The following USP49 variants were observed in gnomAD, a reference collection of about 807,000 sequenced individuals.
USP49 encodes ubiquitin specific peptidase 49.
USP49 carries 24 observed loss-of-function variants against 58.6 expected under a neutral mutation model. The ratio of observed to expected loss-of-function variants is 0.41; its 90% CI spans 0.30 to 0.58. USP49 has a LOEUF of 0.58. USP49 is among the 20% of genes least tolerant of loss of function. The pLI is 0.30. For missense variants in USP49, 703 were observed against 866.1 expected, an observed-to-expected ratio of 0.81 and a Z score of 2.36; for synonymous variants, 408 against 365.1, an observed-to-expected ratio of 1.12 and a Z score of -1.34.
Position 41,794,550 on chromosome 6 carries a change from T to C in USP49, c.*1983A>G, listed in dbSNP as rs569977532. On this transcript the variant is annotated 3_prime_UTR_variant, in exon 8 of 8. Coordinates refer to ENST00000682992, the MANE Select transcript of USP49 (RefSeq NM_001286554.2). ...TCCTTTTTACTCTCCTTGGTTTTTT[T>C]GAGTTAATGGGCTTTTCTATTGCCA... 3 of 152,318 alleles carry C rather than the reference T, an allele frequency of 2.0e-5. No homozygotes were observed. In the East Asian group the frequency reaches 5.8e-4, roughly 29 times the overall value. 9.4% of individuals were successfully genotyped at this position (152,318 alleles called of 1,614,324 possible). A position where few individuals can be genotyped will look rare whatever the true frequency, so the allele number is the denominator to read the frequency against.
Position 41,806,268 on chromosome 6 carries a change from G to T in USP49, c.716C>A (p.Thr239Lys), listed in dbSNP as rs1313741545. ...GGCCGGCTGGCGACGCAGCTTGAGT[G>T]TGGCGGCGGGCACTCTGCGTGAGGT... ...LPTSRRVPAA[T>K]LKLRRQPAMA... The change falls in exon 4 of 8, where the codon ACA becomes AAA. Residue 239 changes from threonine to lysine, a missense_variant. This residue lies in a region of USP49 where 376 missense variants were observed against 373.5 expected (regional missense o/e 1.01). Transcript: ENST00000682992. The surrounding 1 kb of genome is among the most constrained non-coding windows in gnomAD (Gnocchi z 5.9). The T allele has an allele frequency of 6.2e-7, 1 of 1,605,046 alleles. No homozygotes were observed. Among genetic ancestry groups the T allele is most frequent in the African/African-American group, 1.3e-5 (1 of 74,920 alleles).
At chr6:41,799,118 T>C (rs1467091670) in intron 6 of USP49, among the ~76,000 whole-genome samples, 189 bp from the exon 7 acceptor site, 2 of 115,602 alleles carry the variant, frequency 1.7e-5, no homozygotes, top group African/African-American at 6.7e-5. Flanking sequence ...TTATTTATTT[T>C]CAGACAGGGT....
chr6:41,802,896 C>T (rs1773045797), intron 5 of USP49, among the ~76,000 whole-genome samples: 1 of 152,192 alleles, frequency 6.6e-6, no homozygotes, highest in Non-Finnish European at 1.5e-5. Context: ...GTATGACCCT[C>T]TCTGAAATGT....
intron 3 of USP49, among the ~76,000 whole-genome samples, chr6:41,844,156 G>A (rs1395730393): frequency 6.6e-6 from 1 of 152,112 alleles, no homozygotes; most frequent in African/African-American, 2.4e-5. Context: ...AGGAGGCGGA[G>A]GTTATGGGGA....
intron 3 of USP49, among the ~76,000 whole-genome samples, chr6:41,834,147 T>A (rs1773685299): frequency 6.6e-6 from 1 of 152,202 alleles, no homozygotes; most frequent in Non-Finnish European, 1.5e-5. Context: ...GTATGGGGCA[T>A]TCTTGGGTCT....
chr6:41,822,984 T>C (rs1773476897), intron 3 of USP49, among the ~76,000 whole-genome samples: 1 of 152,128 alleles, frequency 6.6e-6, no homozygotes, highest in Non-Finnish European at 1.5e-5. Flanking sequence ...TAATAGGGGA[T>C]AGGTTAAATG....
At chr6:41,809,942 A>G (rs9369308) in intron 3 of USP49, among the ~76,000 whole-genome samples, 12,513 of 150,894 alleles carry the variant, frequency 0.083, 721 homozygotes, top group Non-Finnish European at 0.12. Flanking sequence ...ACGAGGTCAG[A>G]GGATCGAGAC....
At chr6:41,861,401 C>G (rs1219231678) in intron 3 of USP49, among the ~76,000 whole-genome samples, 1 of 152,090 alleles carries the variant, frequency 6.6e-6, no homozygotes, top group Non-Finnish European at 1.5e-5. Context: ...CAAGATCGCG[C>G]CACTGCACTC....
At chr6:41,874,670 G>A (rs1468148416) in intron 2 of USP49, among the ~76,000 whole-genome samples, 1 of 152,138 alleles carries the variant, frequency 6.6e-6, no homozygotes, top group Non-Finnish European at 1.5e-5. Flanking sequence ...CTGCTCTTCG[G>A]AAATATACCA....
intron 3 of USP49, among the ~76,000 whole-genome samples, chr6:41,868,216 A>G (rs1334701892): frequency 6.6e-6 from 1 of 152,240 alleles, no homozygotes; most frequent in Non-Finnish European, 1.5e-5. Flanking sequence ...TATCTACCTC[A>G]TAAGTGACAG....
At chr6:41,818,283 G>T (rs1056781198) in intron 3 of USP49, among the ~76,000 whole-genome samples, 1 of 152,104 alleles carries the variant, frequency 6.6e-6, no homozygotes, top group African/African-American at 2.4e-5. Flanking sequence ...AGGCAAGATG[G>T]CAAAAGAAGA....
At chr6:41,855,780 G>A (rs1216303519) in intron 3 of USP49, among the ~76,000 whole-genome samples, 2 of 152,174 alleles carry the variant, frequency 1.3e-5, no homozygotes, top group Non-Finnish European at 2.9e-5. Context: ...AGGCACTGTG[G>A]CTTGTGCCTG....
chr6:41,814,191 G>T (rs1269139350), intron 3 of USP49, among the ~76,000 whole-genome samples: 1 of 152,090 alleles, frequency 6.6e-6, no homozygotes, highest in African/African-American at 2.4e-5. Flanking sequence ...TTAAATAAAT[G>T]TCCTGCACAC....
chr6:41,865,198 T>C (rs1774289672), intron 3 of USP49, among the ~76,000 whole-genome samples: 1 of 151,998 alleles, frequency 6.6e-6, no homozygotes, highest in Admixed American at 6.6e-5. Flanking sequence ...GCACCCGCCA[T>C]CATGCCCGGC....
At chr6:41,821,066 A>G (rs1205598250) in intron 3 of USP49, among the ~76,000 whole-genome samples, 2 of 152,174 alleles carry the variant, frequency 1.3e-5, no homozygotes, top group African/African-American at 4.8e-5. Flanking sequence ...CAAGCAATAT[A>G]TCAGTAGTGA....
chr6:41,813,662 T>A (rs570299527), intron 3 of USP49, among the ~76,000 whole-genome samples: 2 of 152,306 alleles, frequency 1.3e-5, no homozygotes, highest in East Asian at 3.9e-4. Flanking sequence ...TCATGGCGAC[T>A]CACTAACCTG....
Position 41,796,465 on chromosome 6 carries a change from T to C in USP49, c.*68A>G. 1.5e-6 allele frequency: 1 copy of C among 679,514 alleles called. No individual in the cohort carries two copies. The highest frequency in any genetic ancestry group is 1.6e-5 in the South Asian group (1 of 61,858). 42.1% of individuals were successfully genotyped at this position (679,514 alleles called of 1,614,324 possible). A position where few individuals can be genotyped will look rare whatever the true frequency, so the allele number is the denominator to read the frequency against. On this transcript the variant is annotated 3_prime_UTR_variant, in exon 8 of 8. Coordinates refer to ENST00000682992, the MANE Select transcript of USP49 (RefSeq NM_001286554.2). ...GTAATCTGTTCCTGCAGTAGCCTTATTTCCTATAAGAGGAAAGATGTATGG... is the reference window on the plus strand; with the variant it reads ...GTAATCTGTTCCTGCAGTAGCCTTACTTCCTATAAGAGGAAAGATGTATGG...
chr6:41,876,790 T>A (rs1426761958), intron 2 of USP49, among the ~76,000 whole-genome samples: 1 of 151,918 alleles, frequency 6.6e-6, no homozygotes, highest in Non-Finnish European at 1.5e-5. Flanking sequence ...AAAGAAAAAA[T>A]TTACATGCAT....
At chr6:41,880,472 C>T (rs1209802971) in intron 2 of USP49, among the ~76,000 whole-genome samples, 1 of 152,074 alleles carries the variant, frequency 6.6e-6, no homozygotes, top group East Asian at 1.9e-4. Context: ...AAAACAAGGC[C>T]TAGAATGAGG....
Sources: allele counts gnomAD v4.1 joint callset (sites outside exome capture counted in the v4.1 genomes callset), GRCh38; gene constraint gnomAD v4.1.1; regional missense constraint gnomAD v4.1.1; non-coding constraint Gnocchi (gnomAD v3.1); transcripts MANE v1.5; gene names NCBI Gene and HGNC (gene_info 2026-07-23, HGNC 2026-07-21).